ELK3: variants seen among roughly 807,000 people sequenced by gnomAD.
ELK3 encodes ETS transcription factor ELK3, also known as ETS domain-containing protein Elk-3.
ELK3 carries 10 observed loss-of-function variants against 28.9 expected under a neutral mutation model. The observed-to-expected ratio is 0.35, with a 90% CI of 0.21 to 0.59. The LOEUF (loss-of-function observed/expected upper bound fraction) is 0.59, where lower values mean the gene tolerates loss of function less well. Among genes scored for constraint, ELK3 ranks in the 20% least tolerant of loss-of-function variants. The pLI is 0.82. For synonymous variants in ELK3, 272 were observed against 243.5 expected (o/e 1.12, Z -1.09); for missense variants, 463 against 517.3 (o/e 0.90, Z 1.02).
At chr12:96,213,717 A>G (rs1315409775) in intron 1 of ELK3, 1 of 151,632 alleles carries the variant, frequency 6.6e-6, no homozygotes, top group Non-Finnish European at 1.5e-5. Context: ...CCTCTGAAAA[A>G]TCTCTCTTTT....
intron 1 of ELK3, among the ~76,000 whole-genome samples, chr12:96,196,324 G>A (rs1359186277): frequency 6.6e-6 from 1 of 152,000 alleles, no homozygotes; most frequent in Non-Finnish European, 1.5e-5. Flanking sequence ...CAGATTTGCA[G>A]GTTTTTCTTT....
At chr12:96,235,994 T>G (rs1214164262) in intron 2 of ELK3, among the ~76,000 whole-genome samples, 1 of 151,950 alleles carries the variant, frequency 6.6e-6, no homozygotes, top group Non-Finnish European at 1.5e-5. Flanking sequence ...CCCGGCTAAT[T>G]TTTGTATTTT....
rs573673579 is a variant in ELK3, at chr12:96,247,461, C to T, written c.729C>T (p.Ser243=). The T allele has an allele frequency of 1.5e-4, 247 of 1,614,026 alleles. No homozygotes were observed. In the Middle Eastern group the frequency reaches 3.0e-3, roughly 19 times the overall value. ...CCGCCTCACCCTTCTCATCTCGGTC[C>T]CCGTCCCTGTCCCCCAACTCACCCC... ...ISSASPFSSR[S]PSLSPNSPLP... is the part of the protein sequence containing the mutation. The change falls in exon 3 of 5, where the codon TCC becomes TCT. Residue 243 remains serine (S), a synonymous_variant. Transcript: ENST00000228741. This position sits in a 1 kb window ranked among gnomAD's most constrained non-coding sequence, Gnocchi z 5.5.
In ELK3 at chr12:96,225,903, C is replaced by T. The variant is rs57280864; in HGVS notation, c.207+2130C>T. On this transcript the variant is annotated intron_variant, in intron 2 of 4. Coordinates refer to ENST00000228741, the MANE Select transcript of ELK3 (RefSeq NM_005230.4). ...ATCCCAGCACTTTGGGAGGCTGAGG[C>T]AGGAGGATCACTTGAGTCCAGGAGT... Among the ~76,000 whole-genome samples, 470 of 152,218 alleles carry T rather than the reference C, an allele frequency of 3.1e-3. 2 individuals carry two copies. The highest frequency in any genetic ancestry group is 0.01 in the African/African-American group (434 of 41,534).
intron 1 of ELK3, among the ~76,000 whole-genome samples, chr12:96,210,559 G>GTGCA (rs1555193017): frequency 7.0e-6 from 1 of 143,064 alleles, no homozygotes; most frequent in Admixed American, 6.9e-5. Flanking sequence ...CTGCGCGCGG[G>GTGCA]CGCACGCACA....
intron 1 of ELK3, among the ~76,000 whole-genome samples, chr12:96,199,946 CAT>C (rs772998998): frequency 1.3e-5 from 2 of 152,166 alleles, no homozygotes; most frequent in South Asian, 2.1e-4. Context: ...ATTTATGACA[CAT>C]AGTGTCATAA....
chr12:96,231,821 G>A (rs769930285), intron 2 of ELK3, among the ~76,000 whole-genome samples: 4 of 152,066 alleles, frequency 2.6e-5, no homozygotes, highest in East Asian at 1.9e-4. Flanking sequence ...CAGTTGACAC[G>A]GCCTCTTCTT....
At chr12:96,256,942 C>G (rs1482613598) in intron 3 of ELK3, among the ~76,000 whole-genome samples, 2 of 152,130 alleles carry the variant, frequency 1.3e-5, no homozygotes, top group African/African-American at 4.8e-5. Context: ...GGAAGATGAA[C>G]TGAGTGGGGA....
At position 96,247,163 on chromosome 12, in the gene ELK3, C is replaced by T. The variant is rs779828379; in HGVS notation, c.431C>T (p.Ser144Leu). The change falls in exon 3 of 5, where the codon TCG (serine) becomes TTG (leucine). Residue 144 changes from serine to leucine, a missense_variant. Ser to Leu is a moderately radical substitution (Grantham distance 145). Coordinates refer to ENST00000228741, the MANE Select transcript of ELK3 (RefSeq NM_005230.4). The surrounding 1 kb of genome is among the most constrained non-coding windows in gnomAD (Gnocchi z 5.5). ...GAATACATCCACTCAGGCCTGTACT[C>T]GTCCTTCACCATTAATTCCCTGCAG... ...RNEYIHSGLY[S>L]SFTINSLQNP... 6.2e-6 allele frequency: 10 copies of T among 1,613,914 alleles called. No individual in the cohort carries two copies. The highest frequency in any genetic ancestry group is 6.8e-6 in the Non-Finnish European group (8 of 1,179,964).
chr12:96,267,467 A>T lies in ELK3; in HGVS notation c.*287A>T. The stretch of plus-strand genomic sequence containing the variant: ...CTGTTGACAGTGAAGAACTTTTCTT[A>T]ATGGTTTTCAGTATAACTAATAAGG... On this transcript the variant is annotated 3_prime_UTR_variant, in exon 5 of 5. Transcript: ENST00000228741. 2 of 263,080 alleles carry T rather than the reference A, an allele frequency of 7.6e-6. No individual in the cohort carries two copies. Among genetic ancestry groups the T allele is most frequent in the South Asian group, 1.0e-4 (2 of 19,510 alleles). 16.3% of individuals were successfully genotyped at this position (263,080 alleles called of 1,614,324 possible). A position where few individuals can be genotyped will look rare whatever the true frequency, so the allele number is the denominator to read the frequency against.
At position 96,259,810 on chromosome 12, in the gene ELK3, C is replaced by T. The variant is rs771171410; in HGVS notation, c.1082C>T (p.Pro361Leu). Reference sequence around the variant, plus strand: ...TGGAGCAGCCTTAGTCCAGTTGCTCCGCTGAGTCCTGCCAGGCTGCAAGGG... The same window carrying T: ...TGGAGCAGCCTTAGTCCAGTTGCTCTGCTGAGTCCTGCCAGGCTGCAAGGG... ...HFWSSLSPVA[P>L]LSPARLQGPS... The change falls in exon 4 of 5, where the codon CCG becomes CTG. Residue 361 changes from proline to leucine, a missense_variant. Transcript: ENST00000228741. 2.0e-5 allele frequency: 32 copies of T among 1,609,342 alleles called. No homozygotes were observed. The highest frequency in any genetic ancestry group is 1.6e-4 in the Middle Eastern group (1 of 6,076).
At chr12:96,263,716 C>T (rs755149711) in intron 4 of ELK3, among the ~76,000 whole-genome samples, 3 of 152,080 alleles carry the variant, frequency 2.0e-5, no homozygotes, top group East Asian at 1.9e-4. Context: ...GGATTTCGAT[C>T]GAGTACATTT....
chr12:96,220,590 T>C (rs967035024), intron 1 of ELK3, among the ~76,000 whole-genome samples: 4 of 151,938 alleles, frequency 2.6e-5, no homozygotes, highest in Non-Finnish European at 5.9e-5. Flanking sequence ...GATTTCATCA[T>C]GTTGGCCAGG....
chr12:96,209,546 C>A (rs1354672403), intron 1 of ELK3, among the ~76,000 whole-genome samples: 1 of 152,182 alleles, frequency 6.6e-6, no homozygotes, highest in African/African-American at 2.4e-5. Flanking sequence ...GAAAATCTTT[C>A]AAGTTTATCA....
At chr12:96,221,147 C>T (rs1831898535) in intron 1 of ELK3, among the ~76,000 whole-genome samples, 1 of 152,192 alleles carries the variant, frequency 6.6e-6, no homozygotes, top group African/African-American at 2.4e-5. Flanking sequence ...TGCAGGGCTA[C>T]ACAGTCACCT....
chr12:96,231,350 G>C (rs1359805969), intron 2 of ELK3, among the ~76,000 whole-genome samples: 1 of 152,166 alleles, frequency 6.6e-6, no homozygotes, highest in Non-Finnish European at 1.5e-5. Context: ...CAGACAGATG[G>C]ACCCTTCATC....
chr12:96,238,955 G>C (rs1951801587), intron 2 of ELK3, among the ~76,000 whole-genome samples: 1 of 152,148 alleles, frequency 6.6e-6, no homozygotes, highest in South Asian at 2.1e-4. Flanking sequence ...TTCTGGAAGA[G>C]GGTGTGGTAG....
chr12:96,238,098 TCTGTAAA>T (rs1951796752), intron 2 of ELK3, among the ~76,000 whole-genome samples: 2 of 152,174 alleles, frequency 1.3e-5, no homozygotes, highest in African/African-American at 4.8e-5. Flanking sequence ...GTGTGAGCCT[TCTGTAAA>T]CTGTAAAGTA....
chr12:96,266,719 A>G (rs1299357327), intron 4 of ELK3, among the ~76,000 whole-genome samples: 2 of 152,306 alleles, frequency 1.3e-5, no homozygotes, highest in South Asian at 2.1e-4. Flanking sequence ...CACTCTTTTA[A>G]TATTTAATAT....
Sources: gnomAD v4.1 joint callset for allele counts (sites outside exome capture counted in the v4.1 genomes callset) on GRCh38, gnomAD v4.1.1 for gene constraint, Gnocchi (gnomAD v3.1) non-coding constraint, MANE v1.5 for transcripts, NCBI Gene and HGNC (gene_info 2026-07-23, HGNC 2026-07-21) for gene names.